The following PCSK2 variants were observed in gnomAD, a reference collection of about 807,000 sequenced individuals.
The protein encoded by PCSK2 is proprotein convertase subtilisin/kexin type 2.
PCSK2 carries 14 observed loss-of-function variants against 69.7 expected under a neutral mutation model. The ratio of observed to expected loss-of-function variants is 0.20; its 90% CI spans 0.13 to 0.31. The LOEUF (loss-of-function observed/expected upper bound fraction) is 0.31, where lower values mean the gene tolerates loss of function less well. Among genes scored for constraint, PCSK2 ranks in the 10% least tolerant of loss-of-function variants. The pLI is 1.00. For missense variants in PCSK2, 544 were observed against 842.5 expected (o/e 0.65, Z 4.39); for synonymous variants, 307 against 320.7 (o/e 0.96, Z 0.46).
intron 6 of PCSK2, among the ~76,000 whole-genome samples, chr20:17,413,992 A>G (rs539122638): frequency 6.6e-6 from 1 of 152,338 alleles, no homozygotes; most frequent in African/African-American, 2.4e-5. Context: ...AATGAGAACA[A>G]AGACAAAACA....
Position 17,481,728 on chromosome 20 carries a change from G to T in PCSK2, c.1575G>T (p.Met525Ile). ...ATRRGDLNIN[M>I]TSPMGTKSIL... ...GAAGAGGAGACCTGAACATCAACAT[G>T]ACTTCCCCTATGGGCACCAAGTCCA... Residue 525 changes from methionine (M) to isoleucine (I), a missense_variant, in exon 12 of 12, where the codon ATG (methionine) becomes ATT (isoleucine). Met to Ile is a conservative substitution (Grantham distance 10, BLOSUM62 1). This residue lies in a region of PCSK2 where 200 missense variants were observed against 287.8 expected (regional missense o/e 0.69). Transcript: ENST00000262545. 1 of 1,614,126 alleles carries T rather than the reference G, an allele frequency of 6.2e-7. No homozygotes were observed. Among genetic ancestry groups the T allele is most frequent in the South Asian group, 1.1e-5 (1 of 91,072 alleles).
At chr20:17,420,200 A>G (rs1239742726) in intron 6 of PCSK2, among the ~76,000 whole-genome samples, 1 of 152,194 alleles carries the variant, frequency 6.6e-6, no homozygotes, top group Non-Finnish European at 1.5e-5. Flanking sequence ...AAAGTGTGAG[A>G]AAAAAGGCCC....
intron 5 of PCSK2, among the ~76,000 whole-genome samples, chr20:17,406,665 C>T (rs879574719): frequency 4.6e-5 from 7 of 152,158 alleles, no homozygotes; most frequent in African/African-American, 1.7e-4. Context: ...CTCACTCAGA[C>T]AGACCCCAGT....
chr20:17,273,678 C>T (rs778046481), intron 2 of PCSK2, among the ~76,000 whole-genome samples: 1 of 152,116 alleles, frequency 6.6e-6, no homozygotes, highest in African/African-American at 2.4e-5. Flanking sequence ...TCTTCCAGAA[C>T]GTTGTGAATA....
chr20:17,261,042 A>G (rs999882414), intron 2 of PCSK2, among the ~76,000 whole-genome samples: 1 of 152,120 alleles, frequency 6.6e-6, no homozygotes, highest in African/African-American at 2.4e-5. Flanking sequence ...TCATCTTAGC[A>G]ACAAAGTGGC....
intron 2 of PCSK2, among the ~76,000 whole-genome samples, chr20:17,299,271 A>G (rs1465433362): frequency 1.3e-5 from 2 of 152,174 alleles, no homozygotes; most frequent in Non-Finnish European, 2.9e-5. Context: ...AATTTGGTTT[A>G]TTAAATAATT....
chr20:17,268,033 G>GTATGTATATATATATA (rs1433692727), intron 2 of PCSK2, among the ~76,000 whole-genome samples: 11 of 66,320 alleles, frequency 1.7e-4, no homozygotes, highest in Admixed American at 5.4e-4. Flanking sequence ...TATCCAATGT[G>GTATGTATATATATATA]TATATATATA....
At chr20:17,261,772 C>T (rs994112494) in intron 2 of PCSK2, among the ~76,000 whole-genome samples, 1 of 152,088 alleles carries the variant, frequency 6.6e-6, no homozygotes, top group Non-Finnish European at 1.5e-5. Context: ...CCTGGTGCAC[C>T]GTGACATTTG....
chr20:17,481,413 A>AAAAAAAAAAAAAAG (rs113487407), intron 11 of PCSK2, among the ~76,000 whole-genome samples, 171 bp from the exon 12 acceptor site: 1 of 115,820 alleles, frequency 8.6e-6, no homozygotes, highest in Non-Finnish European at 1.7e-5. Context: ...AAAAAAAAAA[A>AAAAAAAAAAAAAAG]AGAGATAAGT....
intron 2 of PCSK2, among the ~76,000 whole-genome samples, chr20:17,292,896 C>T (rs1988745747): frequency 3.3e-5 from 5 of 152,076 alleles, no homozygotes; most frequent in Non-Finnish European, 7.4e-5. Flanking sequence ...GCTATCTCAG[C>T]TCACTGCAGC....
At chr20:17,423,622 A>T (rs1276071697) in intron 6 of PCSK2, among the ~76,000 whole-genome samples, 3 of 137,514 alleles carry the variant, frequency 2.2e-5, no homozygotes. Flanking sequence ...AGCTGGCTAC[A>T]TTAAAATTAA....
chr20:17,235,415 G>T (rs1317971093), intron 1 of PCSK2, among the ~76,000 whole-genome samples: 1 of 152,030 alleles, frequency 6.6e-6, no homozygotes, highest in Non-Finnish European at 1.5e-5. Context: ...ATATCCAATT[G>T]TTCTCCTAGT....
At chr20:17,440,368 A>G (rs1170235197) in intron 8 of PCSK2, among the ~76,000 whole-genome samples, 2 of 152,198 alleles carry the variant, frequency 1.3e-5, no homozygotes, top group South Asian at 2.1e-4. Context: ...AGACCCTAAC[A>G]TATGGTTTCT....
Position 17,451,643 on chromosome 20 carries a change from G to A in PCSK2, c.886-2099G>A, listed in dbSNP as rs77913359. ...AGACATAAAGCCAGCTTGGAGTCTAGGGGTAGGAAATAGACCACTCTTCTT... is the reference window on the plus strand; with the variant it reads ...AGACATAAAGCCAGCTTGGAGTCTAAGGGTAGGAAATAGACCACTCTTCTT... On this transcript the variant is annotated intron_variant, in intron 8 of 11. Coordinates refer to ENST00000262545, the MANE Select transcript of PCSK2 (RefSeq NM_002594.5). 6.6e-3 allele frequency among the ~76,000 whole-genome samples: 1,001 copies of A among 152,268 alleles called. 18 individuals are homozygous for A. The highest frequency in any genetic ancestry group is 0.023 in the African/African-American group (962 of 41,538).
intron 8 of PCSK2, among the ~76,000 whole-genome samples, chr20:17,437,765 G>A (rs1330402718): frequency 6.6e-6 from 1 of 152,212 alleles, no homozygotes; most frequent in Non-Finnish European, 1.5e-5. Context: ...GGGATGCTCT[G>A]GGTCAGGAAT....
rs1039139759 is a variant in PCSK2, at chr20:17,393,885, A to T, written c.544-15378A>T. Among the ~76,000 whole-genome samples, 3 of 152,242 alleles carry T rather than the reference A, an allele frequency of 2.0e-5. No homozygotes were observed. In the South Asian group the frequency reaches 6.2e-4, roughly 31 times the overall value. On this transcript the variant is annotated intron_variant, in intron 5 of 11. Transcript: ENST00000262545. ...AAAAAAGGAGGCTTGAAATATCAAC[A>T]TTTAATGTAAAAAAAGTACAAGTAC...
chr20:17,480,927 CA>C (rs1373233590), intron 11 of PCSK2, among the ~76,000 whole-genome samples: 1 of 152,160 alleles, frequency 6.6e-6, no homozygotes, highest in East Asian at 1.9e-4. Context: ...GGAGGAAGCC[CA>C]GGGGGAACAC....
Position 17,379,749 on chromosome 20 carries a change from G to C in PCSK2, c.543+10472G>C, listed in dbSNP as rs139057207. On this transcript the variant is annotated intron_variant, in intron 5 of 11. Coordinates refer to ENST00000262545, the MANE Select transcript of PCSK2 (RefSeq NM_002594.5). The stretch of plus-strand genomic sequence containing the variant: ...GGTTATTAGATTGCATTATATGGCA[G>C]AGTTAGAGATTTTTTTCAGATGTCA... Among the ~76,000 whole-genome samples, 287 of 152,312 alleles carry C rather than the reference G, an allele frequency of 1.9e-3. 1 individual carries two copies. Among genetic ancestry groups the C allele is most frequent in the African/African-American group, 6.2e-3 (259 of 41,576 alleles).
At chr20:17,293,081 T>C (rs1488274711) in intron 2 of PCSK2, among the ~76,000 whole-genome samples, 3 of 152,196 alleles carry the variant, frequency 2.0e-5, no homozygotes, top group African/African-American at 7.2e-5. Flanking sequence ...TGCCTCGGCC[T>C]CTCAAAGTGC....
Sources: allele counts gnomAD v4.1 joint callset (sites outside exome capture counted in the v4.1 genomes callset), GRCh38; gene constraint gnomAD v4.1.1; regional missense constraint gnomAD v4.1.1; transcripts MANE v1.5; gene names NCBI Gene and HGNC (gene_info 2026-07-23, HGNC 2026-07-21).